The following CBLB variants were observed in gnomAD, a reference collection of about 807,000 sequenced individuals.
CBLB encodes the protein E3 ubiquitin-protein ligase CBL-B.
Under a neutral mutation model 104.9 loss-of-function variants are expected in CBLB, and 31 were observed. That is an observed-to-expected ratio of 0.30 (90% CI 0.22 to 0.40). The LOEUF is 0.40. CBLB is among the 10% of genes least tolerant of loss of function. The pLI, the probability that CBLB is intolerant of heterozygous loss-of-function variation, is 1.00. For missense variants in CBLB, 1,062 were observed against 1,214.6 expected (o/e 0.87, Z 1.87); for synonymous variants, 440 against 422.6 (o/e 1.04, Z -0.51).
At chr3:105,712,935 T>A (rs1171164110) in intron 10 of CBLB, among the ~76,000 whole-genome samples, 1 of 152,080 alleles carries the variant, frequency 6.6e-6, no homozygotes, top group Non-Finnish European at 1.5e-5. Context: ...ACTTAATTCT[T>A]AGAAGTACAG....
intron 3 of CBLB, among the ~76,000 whole-genome samples, chr3:105,797,527 A>G (rs2082377432): frequency 6.6e-6 from 1 of 152,136 alleles, no homozygotes; most frequent in Non-Finnish European, 1.5e-5. Context: ...AATAATCTGT[A>G]CACCAAACCC....
intron 7 of CBLB, among the ~76,000 whole-genome samples, chr3:105,738,955 G>A (rs2152874118): frequency 6.6e-6 from 1 of 152,290 alleles, no homozygotes; most frequent in Admixed American, 6.5e-5. Context: ...TGATGCACAG[G>A]CTGGAGTGCA....
At chr3:105,747,192 C>G (rs990994460) in intron 5 of CBLB, among the ~76,000 whole-genome samples, 1 of 152,062 alleles carries the variant, frequency 6.6e-6, no homozygotes, top group Non-Finnish European at 1.5e-5. Context: ...AAGGCTGACG[C>G]TACATTTATT....
chr3:105,672,297 C>T (rs546788751), intron 17 of CBLB: 51 of 181,518 alleles, frequency 2.8e-4, no homozygotes, highest in African/African-American at 1.2e-3. Context: ...TTAAAAGGTA[C>T]TAGATACACT....
At chr3:105,737,745 T>C (rs1442466572) in intron 7 of CBLB, among the ~76,000 whole-genome samples, 2 of 152,182 alleles carry the variant, frequency 1.3e-5, no homozygotes, top group Non-Finnish European at 2.9e-5. Flanking sequence ...TTCCTGTTTC[T>C]ACAGTTTCCA....
At position 105,658,305 on chromosome 3, in the gene CBLB, C is replaced by A. The variant is rs1288213233; in HGVS notation, c.*665G>T. ...CCCCTTACAAAAGGCAGTTTATTGA[C>A]AAATAAATGCTTTATACATTCAGGT... On this transcript the variant is annotated 3_prime_UTR_variant, in exon 19 of 19. Coordinates refer to ENST00000394030, the MANE Select transcript of CBLB (RefSeq NM_170662.5). 2 of 219,646 alleles carry A rather than the reference C, an allele frequency of 9.1e-6. No homozygotes were observed. Among genetic ancestry groups the A allele is most frequent in the Non-Finnish European group, 1.8e-5 (2 of 109,446 alleles). The allele number at this position is 219,646 out of a possible 1,614,324, so 13.6% of individuals were successfully genotyped here. A position where few individuals can be genotyped will look rare whatever the true frequency, so the allele number is the denominator to read the frequency against.
At chr3:105,838,382 T>C (rs1297184294) in intron 3 of CBLB, among the ~76,000 whole-genome samples, 1 of 149,476 alleles carries the variant, frequency 6.7e-6, no homozygotes, top group African/African-American at 2.5e-5. Context: ...CCTTGATAAA[T>C]GCTATGGTCA....
At chr3:105,710,543 T>G (rs879761647) in intron 10 of CBLB, among the ~76,000 whole-genome samples, 8 of 151,938 alleles carry the variant, frequency 5.3e-5, no homozygotes, top group Non-Finnish European at 8.8e-5. Context: ...ATTTTTCTAG[T>G]ATTACACTTG....
chr3:105,736,677 G>A (rs1576732879), intron 8 of CBLB, among the ~76,000 whole-genome samples: 1 of 152,066 alleles, frequency 6.6e-6, no homozygotes, highest in Admixed American at 6.5e-5. Context: ...AGAATTTAAA[G>A]TGAAAAGATA....
intron 16 of CBLB, among the ~76,000 whole-genome samples, chr3:105,680,690 T>C (rs1319676166): frequency 6.6e-6 from 1 of 152,224 alleles, no homozygotes; most frequent in East Asian, 1.9e-4. Context: ...GAAAGGTTCA[T>C]TTCGTATTTC....
intron 13 of CBLB, among the ~76,000 whole-genome samples, chr3:105,687,519 T>G (rs1176431097): frequency 6.6e-6 from 1 of 152,076 alleles, no homozygotes; most frequent in Non-Finnish European, 1.5e-5. Flanking sequence ...TAAAACTTAC[T>G]AGTATAAATT....
chr3:105,768,459 G>A (rs2078471212), intron 4 of CBLB, among the ~76,000 whole-genome samples: 1 of 152,122 alleles, frequency 6.6e-6, no homozygotes, highest in Non-Finnish European at 1.5e-5. Context: ...CAGAAAAGTT[G>A]CATCCTATAC....
chr3:105,780,670 T>TTTTTTTTTTTTTTTTTTTG (rs1560209728), intron 3 of CBLB, among the ~76,000 whole-genome samples: 1 of 135,176 alleles, frequency 7.4e-6, no homozygotes, highest in African/African-American at 2.7e-5. Context: ...GTTTTTTTTT[T>TTTTTTTTTTTTTTTTTTTG]TTTTTTTTTT....
intron 3 of CBLB, among the ~76,000 whole-genome samples, chr3:105,787,845 C>G (rs888380571): frequency 6.6e-6 from 1 of 152,026 alleles, no homozygotes; most frequent in Non-Finnish European, 1.5e-5. Flanking sequence ...AATGAAAACT[C>G]CATGAATAAC....
At chr3:105,763,446 G>T (rs942902200) in intron 4 of CBLB, among the ~76,000 whole-genome samples, 2 of 151,874 alleles carry the variant, frequency 1.3e-5, no homozygotes, top group African/African-American at 2.4e-5. Context: ...CCTAATAGGA[G>T]GTATTTGAAT....
At chr3:105,810,045 C>T (rs1253925238) in intron 3 of CBLB, among the ~76,000 whole-genome samples, 1 of 152,134 alleles carries the variant, frequency 6.6e-6, no homozygotes, top group Non-Finnish European at 1.5e-5. Flanking sequence ...TGTCCACTGG[C>T]TTCAAGATGA....
intron 3 of CBLB, among the ~76,000 whole-genome samples, chr3:105,799,775 G>A (rs2082635611): frequency 6.6e-6 from 1 of 152,076 alleles, no homozygotes; most frequent in African/African-American, 2.4e-5. Flanking sequence ...GAAAATTTCA[G>A]TTGGGTTATT....
intron 3 of CBLB, among the ~76,000 whole-genome samples, chr3:105,783,402 C>G (rs1208469269): frequency 6.6e-6 from 1 of 152,104 alleles, no homozygotes; most frequent in Non-Finnish European, 1.5e-5. Flanking sequence ...ATCCAATAAA[C>G]TGATGGCTCT....
chr3:105,829,550 T>C (rs992380008), intron 3 of CBLB, among the ~76,000 whole-genome samples: 1 of 151,664 alleles, frequency 6.6e-6, no homozygotes, highest in Non-Finnish European at 1.5e-5. Flanking sequence ...TCCCACCTAC[T>C]TGGGAGCCTA....
Sources: allele counts gnomAD v4.1 joint callset (sites outside exome capture counted in the v4.1 genomes callset), GRCh38; gene constraint gnomAD v4.1.1; transcripts MANE v1.5; gene names NCBI Gene and HGNC (gene_info 2026-07-23, HGNC 2026-07-21).